The following GPATCH2L variants were observed in gnomAD, a reference collection of about 807,000 sequenced individuals.
GPATCH2L encodes G patch domain-containing protein 2-like.
A neutral mutation model predicts 57.4 loss-of-function variants in GPATCH2L; 31 were observed. The observed-to-expected ratio is 0.54, with a 90% confidence interval of 0.41 to 0.73. The LOEUF is 0.73. Among genes scored for constraint, GPATCH2L ranks in the 30% least tolerant of loss-of-function variants. The pLI is 0.00. For missense variants in GPATCH2L, 481 were observed against 599.9 expected (o/e 0.80, Z 2.07); for synonymous variants, 199 against 210.7 (o/e 0.94, Z 0.48).
At chr14:76,164,644 T>C (rs956711756) in intron 2 of GPATCH2L, among the ~76,000 whole-genome samples, 1 of 152,202 alleles carries the variant, frequency 6.6e-6, no homozygotes, top group African/African-American at 2.4e-5. Context: ...AAAAAACTAT[T>C]GATCTATAGT....
At position 76,189,112 on chromosome 14, in the gene GPATCH2L, T is replaced by C. The variant is rs372853364; in HGVS notation, c.1194-6766T>C. On this transcript the variant is annotated intron_variant, in intron 8 of 9. Transcript: ENST00000261530. ...TGCTATTTCAGTTACTATAGCTCTG[T>C]AGTATAATTTGAAGCCAGGTAGTGT... Among the ~76,000 whole-genome samples the C allele has an allele frequency of 2.0e-5, 3 of 151,724 alleles. No individual in the cohort carries two copies. In the East Asian group the frequency reaches 5.8e-4, roughly 29 times the overall value.
chr14:76,153,663 T>C (rs2038159095), intron 1 of GPATCH2L: 1 of 152,218 alleles, frequency 6.6e-6, no homozygotes, highest in African/African-American at 2.4e-5. Context: ...TAAGGTTCTA[T>C]ACCTGGTAGC....
At position 76,208,023 on chromosome 14, in the gene GPATCH2L, A is replaced by G. The variant is rs140923149; in HGVS notation, c.*6172A>G. Reference sequence around the variant, plus strand: ...TGTAGGCTGTTAAGCTCTCATTTCAATTTTTGCAGTCTTTTAAAACACCAC... The same window carrying G: ...TGTAGGCTGTTAAGCTCTCATTTCAGTTTTTGCAGTCTTTTAAAACACCAC... On this transcript the variant is annotated 3_prime_UTR_variant, in exon 10 of 10. Coordinates refer to ENST00000261530, the MANE Select transcript of GPATCH2L (RefSeq NM_017926.4). 13 of 152,194 alleles carry G rather than the reference A, an allele frequency of 8.5e-5. No homozygotes were observed. The highest frequency in any genetic ancestry group is 3.1e-4 in the African/African-American group (13 of 41,514). The allele number at this position is 152,194 out of a possible 1,614,324, so 9.4% of individuals were successfully genotyped here.
chr14:76,163,149 C>A (rs2139599260), intron 2 of GPATCH2L, among the ~76,000 whole-genome samples: 1 of 152,274 alleles, frequency 6.6e-6, no homozygotes, highest in Admixed American at 6.5e-5. Flanking sequence ...ATACACTACC[C>A]TGGCTCTGAT....
intron 1 of GPATCH2L, among the ~76,000 whole-genome samples, chr14:76,225,845 T>C (rs950307582): frequency 3.9e-5 from 6 of 152,132 alleles, no homozygotes; most frequent in African/African-American, 1.4e-4. Context: ...GAATGGCCAA[T>C]AGATACATCA....
At chr14:76,166,610 CTTTG>C in intron 2 of GPATCH2L, 49 bp from the exon 3 acceptor site, 2 of 1,232,842 alleles carry the variant, frequency 1.6e-6, no homozygotes, top group South Asian at 2.4e-5. Flanking sequence ...GTGTACAGTG[CTTTG>C]TTTTTGACTG....
At chr14:76,198,618 T>G (rs1566814821) in intron 9 of GPATCH2L, among the ~76,000 whole-genome samples, 1 of 152,206 alleles carries the variant, frequency 6.6e-6, no homozygotes, top group Non-Finnish European at 1.5e-5. Flanking sequence ...TTTCTGACCT[T>G]TCTCTTTCTG....
In GPATCH2L at chr14:76,176,363, A is replaced by G; in HGVS notation, c.985-260A>G. ...GAGGTATAGTACTTATTAAAATACC[A>G]TATATGGTGAACAGTGTCTATGATG... is the stretch of plus-strand genomic sequence containing the variant. On this transcript the variant is annotated intron_variant, in intron 5 of 9. Coordinates refer to ENST00000261530, the MANE Select transcript of GPATCH2L (RefSeq NM_017926.4). The G allele has an allele frequency of 1.0e-5, 5 of 479,648 alleles. No homozygotes were observed. In the South Asian group the frequency reaches 1.2e-4, roughly 11 times the overall value. 29.7% of individuals were successfully genotyped at this position (479,648 alleles called of 1,614,324 possible).
intron 1 of GPATCH2L, among the ~76,000 whole-genome samples, chr14:76,227,394 AAAT>A (rs1253050899): frequency 6.6e-6 from 1 of 152,134 alleles, no homozygotes; most frequent in African/African-American, 2.4e-5. Flanking sequence ...GGCTGCAGGG[AAAT>A]GAGACCAGTG....
rs1415908769 is a variant in GPATCH2L, at chr14:76,201,987, C to T, written c.*136C>T. ...CCAGAACCAACTCCTCTTTCAAACA[C>T]AGCAGTGGATTCTTTCTCTCAGAAG... On this transcript the variant is annotated 3_prime_UTR_variant, in exon 10 of 10. Coordinates refer to ENST00000261530, the MANE Select transcript of GPATCH2L (RefSeq NM_017926.4). 3.1e-6 allele frequency: 2 copies of T among 638,548 alleles called. No individual in the cohort carries two copies. The highest frequency in any genetic ancestry group is 1.9e-5 in the African/African-American group (1 of 53,464). The allele number at this position is 638,548 out of a possible 1,614,324, so 39.6% of individuals were successfully genotyped here.
In GPATCH2L at chr14:76,171,277, T is replaced by TAA. The variant is rs57103783; in HGVS notation, c.728-552_728-551dup. On this transcript the variant is annotated intron_variant, in intron 3 of 9. Coordinates refer to ENST00000261530, the MANE Select transcript of GPATCH2L (RefSeq NM_017926.4). ...AGGAGACCCAGTTTCTACAGAGAATTAAAAAAAAAAAAAAAGACTGGGCGC... is the reference window on the plus strand; with the variant it reads ...AGGAGACCCAGTTTCTACAGAGAATTAAAAAAAAAAAAAAAAAGACTGGGCGC... 4.1e-4 allele frequency among the ~76,000 whole-genome samples: 55 copies of TAA among 133,510 alleles called. 1 individual carries two copies. The highest frequency in any genetic ancestry group is 1.1e-3 in the African/African-American group (40 of 36,226). 87.6% of individuals were successfully genotyped at this position (133,510 alleles called of 152,430 possible). A position where few individuals can be genotyped will look rare whatever the true frequency, so the allele number is the denominator to read the frequency against.
intron 2 of GPATCH2L, among the ~76,000 whole-genome samples, chr14:76,162,308 C>G (rs1169814469): frequency 6.6e-6 from 1 of 152,208 alleles, no homozygotes; most frequent in Non-Finnish European, 1.5e-5. Flanking sequence ...TCTCCGCATG[C>G]CCATCCGCAT....
rs751017163 is a variant in GPATCH2L, at chr14:76,166,645, GTTTTACTCT to G, written c.663-11_663-3del. The G allele has an allele frequency of 1.3e-6, 2 of 1,586,038 alleles. No homozygotes were observed. Among genetic ancestry groups the G allele is most frequent in the Admixed American group, 3.3e-5 (2 of 59,964 alleles). ...GACTGGAGCTGATGAGTTCTCTTGT[GTTTTACTCT>G]TTTTACAGTGAAACCAGCAGTGTGT... On this transcript the variant is annotated splice_polypyrimidine_tract_variant and intron_variant, in intron 2 of 9. Coordinates refer to ENST00000261530, the MANE Select transcript of GPATCH2L (RefSeq NM_017926.4).
At chr14:76,231,336 T>C (rs28589314) in intron 2 of GPATCH2L, among the ~76,000 whole-genome samples, 80,824 of 151,922 alleles carry the variant, frequency 0.53, 21,509 homozygotes, top group South Asian at 0.56. Flanking sequence ...TTCCTAGTGC[T>C]GCCTGTCGCC....
chr14:76,177,715 T>TTTTGCAAAACA, intron 6 of GPATCH2L, among the ~76,000 whole-genome samples: 2 of 151,460 alleles, frequency 1.3e-5, no homozygotes, highest in Admixed American at 6.6e-5. Flanking sequence ...TTGTTTTTGT[T>TTTTGCAAAACA]TTTGCAAAAC....
intron 8 of GPATCH2L, among the ~76,000 whole-genome samples, chr14:76,190,701 G>A (rs1414490002): frequency 6.6e-6 from 1 of 152,048 alleles, no homozygotes; most frequent in Non-Finnish European, 1.5e-5. Context: ...GTTGGCTCTG[G>A]GAATTTGGTA....
intron 8 of GPATCH2L, among the ~76,000 whole-genome samples, chr14:76,182,367 A>AG (rs1555378579): frequency 1.4e-5 from 2 of 146,522 alleles, no homozygotes; most frequent in Admixed American, 6.8e-5. Context: ...AGAAAAGAAA[A>AG]AAAAAAAAAA....
intron 8 of GPATCH2L, among the ~76,000 whole-genome samples, chr14:76,183,652 T>C (rs941352675): frequency 7.2e-5 from 11 of 152,220 alleles, no homozygotes; most frequent in Non-Finnish European, 1.6e-4. Context: ...AAGTGACTTC[T>C]ATGCAATTTT....
chr14:76,222,510 G>T lies in GPATCH2L; in HGVS notation c.66-7298G>T, dbSNP rs12589999. 3.3e-5 allele frequency among the ~76,000 whole-genome samples: 5 copies of T among 151,758 alleles called. 1 individual carries two copies. Among genetic ancestry groups the T allele is most frequent in the East Asian group, 2.0e-4 (1 of 5,128 alleles). Reference sequence around the variant, plus strand: ...TAATCCCAGCTACTCAGGAGGCTGAGGTGGGGGAATCACCTGAGCCAGGGA... The same window carrying T: ...TAATCCCAGCTACTCAGGAGGCTGATGTGGGGGAATCACCTGAGCCAGGGA... On this transcript the variant is annotated intron_variant and NMD_transcript_variant, in intron 1 of 3. Coordinates refer to the GPATCH2L transcript ENST00000556372.
Sources: gnomAD v4.1 joint callset for allele counts (sites outside exome capture counted in the v4.1 genomes callset) on GRCh38, gnomAD v4.1.1 for gene constraint, MANE v1.5 for transcripts, NCBI Gene and HGNC (gene_info 2026-07-23, HGNC 2026-07-21) for gene names.